The following DCC variants were observed in gnomAD, a reference collection of about 807,000 sequenced individuals.
The protein encoded by DCC is DCC netrin 1 receptor, also known as netrin receptor DCC.
In DCC, 58 loss-of-function variants were observed where a neutral mutation model predicts 172.5. That is an observed-to-expected ratio of 0.34 (90% CI 0.27 to 0.42). DCC has a LOEUF of 0.42. DCC is among the 10% of genes least tolerant of loss of function. The probability of loss-of-function intolerance (pLI) is 1.00; values close to 1 mark genes in which losing one functional copy is unlikely to be tolerated. For missense variants in DCC, 1,740 were observed against 1,791.0 expected (o/e 0.97, Z 0.51); for synonymous variants, 709 against 644.5 (o/e 1.10, Z -1.52).
chr18:52,393,284 T>A (rs1057409347), intron 1 of DCC, among the ~76,000 whole-genome samples: 2 of 152,090 alleles, frequency 1.3e-5, no homozygotes, highest in African/African-American at 4.8e-5. Flanking sequence ...TCTCATGGAA[T>A]GTAGAGGGGA....
chr18:52,486,716 A>C (rs142669386), intron 1 of DCC, among the ~76,000 whole-genome samples: 51 of 152,260 alleles, frequency 3.3e-4, no homozygotes, highest in African/African-American at 1.1e-3. Flanking sequence ...TATATCTGTT[A>C]ATTATTGACT....
At chr18:53,358,607 G>A (rs112000341) in intron 15 of DCC, among the ~76,000 whole-genome samples, 23,678 of 134,068 alleles carry the variant, frequency 0.18, 2,418 homozygotes, top group African/African-American at 0.3. Flanking sequence ...TGCAACCTCT[G>A]CCTTCCAGGT....
intron 12 of DCC, among the ~76,000 whole-genome samples, chr18:53,296,228 C>G (rs546661012): frequency 6.6e-6 from 1 of 152,226 alleles, no homozygotes. Flanking sequence ...TTTCTTTATT[C>G]TTTCTACCTG....
chr18:53,072,378 C>A (rs2042666471), intron 7 of DCC, among the ~76,000 whole-genome samples: 1 of 152,064 alleles, frequency 6.6e-6, no homozygotes, highest in African/African-American at 2.4e-5. Context: ...AGATGGGGAG[C>A]AAGGCAGGAA....
chr18:53,184,002 TAAA>T (rs201337705), intron 9 of DCC, among the ~76,000 whole-genome samples: 64,759 of 138,322 alleles, frequency 0.47, 15,004 homozygotes, highest in Non-Finnish European at 0.54. Context: ...GCATCTCATT[TAAA>T]AAAAAAAAAA....
At chr18:53,239,169 T>A (rs1282080281) in intron 12 of DCC, among the ~76,000 whole-genome samples, 1 of 148,796 alleles carries the variant, frequency 6.7e-6, no homozygotes, top group African/African-American at 2.5e-5. Flanking sequence ...GTTGTGCACA[T>A]GTACCCTAGA....
intron 1 of DCC, among the ~76,000 whole-genome samples, chr18:52,519,010 T>C (rs2031727634): frequency 6.6e-6 from 1 of 152,182 alleles, no homozygotes; most frequent in South Asian, 2.1e-4. Context: ...TTTCAGTAGG[T>C]GGATGAAAAC....
chr18:52,576,703 G>A (rs1204658328), intron 1 of DCC, among the ~76,000 whole-genome samples: 5 of 151,822 alleles, frequency 3.3e-5, no homozygotes, highest in South Asian at 2.1e-4. Flanking sequence ...GGTGGTGGGC[G>A]CCTATTGTGC....
chr18:52,772,820 C>A (rs972899475), intron 2 of DCC, among the ~76,000 whole-genome samples: 11 of 152,134 alleles, frequency 7.2e-5, no homozygotes, highest in African/African-American at 2.4e-4. Context: ...TAGTTTCTTG[C>A]CTCTAAAAGT....
Position 53,190,207 on chromosome 18 carries a change from T to G in DCC, c.1573+11091T>G, listed in dbSNP as rs200268587. Reference sequence around the variant, plus strand: ...TCTCAAAGTGCTGGGATTACAGGCATGAGCCGACATGTCTGGCCAGGACTC... The same window carrying G: ...TCTCAAAGTGCTGGGATTACAGGCAGGAGCCGACATGTCTGGCCAGGACTC... On this transcript the variant is annotated intron_variant, in intron 9 of 28. Transcript: ENST00000442544. 3.3e-5 allele frequency among the ~76,000 whole-genome samples: 5 copies of G among 152,316 alleles called. No homozygotes were observed. The East Asian group carries it at 9.7e-4, about 29-fold the overall frequency.
intron 1 of DCC, among the ~76,000 whole-genome samples, chr18:52,416,314 AGGTGT>A (rs1311804176): frequency 1.3e-5 from 2 of 151,722 alleles, no homozygotes; most frequent in Admixed American, 6.6e-5. Context: ...ATTTTGGAAT[AGGTGT>A]GGTGTGGTGC....
rs145690431 is a variant in DCC at position 52,752,126 on chromosome 18, G to A, written c.164G>A (p.Gly55Glu). 1 of 1,614,138 alleles carries A rather than the reference G, an allele frequency of 6.2e-7. No homozygotes were observed. Among genetic ancestry groups the A allele is most frequent in the East Asian group, 2.2e-5 (1 of 44,864 alleles). ...EPSDAVTMRG[G>E]NVLLDCSAES... ...TCTGATGCCGTCACAATGCGGGGAG[G>A]AAATGTCCTCCTCGACTGCTCCGCG... The change falls in exon 2 of 29, where the codon GGA (glycine) becomes GAA (glutamate). Residue 55 changes from glycine (G) to glutamate (E), a missense_variant. Physicochemically the swap from Gly to Glu is moderately conservative, Grantham distance 98. Around this residue, in one of 2 missense-constraint regions of DCC, gnomAD observed 1,732 missense variants for 1,767.4 expected, o/e 0.98. Coordinates refer to ENST00000442544, the MANE Select transcript of DCC (RefSeq NM_005215.4).
At chr18:52,843,791 A>G (rs946210582) in intron 2 of DCC, among the ~76,000 whole-genome samples, 2 of 152,182 alleles carry the variant, frequency 1.3e-5, no homozygotes, top group Non-Finnish European at 2.9e-5. Flanking sequence ...CCCAGTTGTC[A>G]GGAGCAGATT....
intron 1 of DCC, among the ~76,000 whole-genome samples, chr18:52,381,600 G>A (rs2144325244): frequency 6.6e-6 from 1 of 152,194 alleles, no homozygotes; most frequent in East Asian, 1.9e-4. Context: ...CGATTACAGG[G>A]CTGACTTCAC....
At chr18:52,372,310 G>T (rs1985155749) in intron 1 of DCC, among the ~76,000 whole-genome samples, 1 of 152,184 alleles carries the variant, frequency 6.6e-6, no homozygotes, top group South Asian at 2.1e-4. Context: ...GAAAGTGTCA[G>T]TTTGGGGTGA....
intron 27 of DCC, among the ~76,000 whole-genome samples, chr18:53,519,422 T>C (rs1244732233): frequency 6.6e-6 from 1 of 152,038 alleles, no homozygotes; most frequent in African/African-American, 2.4e-5. Context: ...CAAGGCCTAT[T>C]TGCAAAATGA....
intron 2 of DCC, among the ~76,000 whole-genome samples, chr18:52,810,261 G>T (rs888938997): frequency 6.6e-6 from 1 of 152,114 alleles, no homozygotes; most frequent in Non-Finnish European, 1.5e-5. Flanking sequence ...TCTAAGGCAG[G>T]GAGGGGATCC....
At chr18:53,368,342 A>T (rs2058027363) in intron 15 of DCC, among the ~76,000 whole-genome samples, 2 of 152,196 alleles carry the variant, frequency 1.3e-5, no homozygotes, top group East Asian at 3.9e-4. Flanking sequence ...TTAATATTTT[A>T]TCAGCTATAT....
chr18:52,531,661 T>TC (rs1238877211), intron 1 of DCC, among the ~76,000 whole-genome samples: 1 of 152,142 alleles, frequency 6.6e-6, no homozygotes, highest in East Asian at 1.9e-4. Context: ...CATTTTTTTT[T>TC]CTTAAACTCT....
Sources: gnomAD v4.1 joint callset for allele counts (sites outside exome capture counted in the v4.1 genomes callset) on GRCh38, gnomAD v4.1.1 for gene constraint, gnomAD v4.1.1 regional missense constraint, MANE v1.5 for transcripts, NCBI Gene and HGNC (gene_info 2026-07-23, HGNC 2026-07-21) for gene names.